SLIT2: variants seen among roughly 807,000 people sequenced by gnomAD.
SLIT2 encodes the protein slit guidance ligand 2.
A neutral mutation model predicts 185.7 loss-of-function variants in SLIT2; 41 were observed. The observed-to-expected ratio is 0.22, with a 90% CI of 0.17 to 0.29. The LOEUF (loss-of-function observed/expected upper bound fraction) is 0.29, where lower values mean the gene tolerates loss of function less well. Ranked by LOEUF, SLIT2 falls within the 10% of genes least tolerant of loss-of-function variation. SLIT2 has a pLI of 1.00. For synonymous variants in SLIT2, 693 were observed against 680.2 expected, an observed-to-expected ratio of 1.02 and a Z score of -0.29; for missense variants, 1,571 against 1,909.0, an observed-to-expected ratio of 0.82 and a Z score of 3.30.
At chr4:20,592,300 G>A (rs1279553673) in intron 30 of SLIT2, among the ~76,000 whole-genome samples, 1 of 152,086 alleles carries the variant, frequency 6.6e-6, no homozygotes, top group Non-Finnish European at 1.5e-5. Flanking sequence ...ACTATGATAT[G>A]CCATAAGCAG....
At chr4:20,568,536 C>G (rs1362304561) in intron 28 of SLIT2, among the ~76,000 whole-genome samples, 2 of 151,882 alleles carry the variant, frequency 1.3e-5, no homozygotes, top group African/African-American at 4.8e-5. Flanking sequence ...GAGCACAACT[C>G]AAGATTAAGA....
At chr4:20,542,190 C>G (rs886401267) in intron 20 of SLIT2, among the ~76,000 whole-genome samples, 13 of 152,112 alleles carry the variant, frequency 8.5e-5, no homozygotes, top group African/African-American at 3.1e-4. Flanking sequence ...CTGTAATTCA[C>G]TTTGCATTTA....
At chr4:20,497,065 ATT>A (rs36102199) in intron 9 of SLIT2, among the ~76,000 whole-genome samples, 54 of 148,688 alleles carry the variant, frequency 3.6e-4, no homozygotes, top group Admixed American at 1.0e-3. Flanking sequence ...TATTTCTGAG[ATT>A]TTTTTTTTTT....
Position 20,253,811 on chromosome 4 carries a change from G to A in SLIT2, c.-5G>A, listed in dbSNP as rs371065653. The A allele has an allele frequency of 2.2e-5, 35 of 1,597,994 alleles. No individual in the cohort carries two copies. The African/African-American group carries it at 4.3e-4, about 20-fold the overall frequency. On this transcript the variant is annotated 5_prime_UTR_variant, in exon 1 of 37. Coordinates refer to ENST00000504154, the MANE Select transcript of SLIT2 (RefSeq NM_004787.4). ...TGCCGGCGAGGAAGGAGGCGGCGGG[G>A]AAAGATGCGCGGCGTTGGCTGGCAG...
intron 4 of SLIT2, among the ~76,000 whole-genome samples, chr4:20,358,142 G>A (rs567570994): frequency 6.6e-6 from 1 of 152,140 alleles, no homozygotes; most frequent in East Asian, 1.9e-4. Context: ...ATCCCTTCAT[G>A]TTCTCTTTCC....
At chr4:20,564,326 A>G (rs1243280771) in intron 26 of SLIT2, among the ~76,000 whole-genome samples, 1 of 151,224 alleles carries the variant, frequency 6.6e-6, no homozygotes, top group African/African-American at 2.5e-5. Flanking sequence ...TTATTTCAAG[A>G]GATTAGACTA....
At chr4:20,447,912 A>G (rs1199602569) in intron 4 of SLIT2, among the ~76,000 whole-genome samples, 1 of 152,210 alleles carries the variant, frequency 6.6e-6, no homozygotes, top group African/African-American at 2.4e-5. Context: ...AAAAAAGGAA[A>G]TGAAAAGTAG....
At chr4:20,260,818 T>A (rs1358344641) in intron 3 of SLIT2, among the ~76,000 whole-genome samples, 1 of 151,856 alleles carries the variant, frequency 6.6e-6, no homozygotes, top group Non-Finnish European at 1.5e-5. Flanking sequence ...TACAACATTT[T>A]CAGATAAACT....
intron 5 of SLIT2, among the ~76,000 whole-genome samples, chr4:20,472,389 G>GAGATATAGATATCTATATATCT (rs1715354671): frequency 3.2e-4 from 3 of 9,330 alleles, no homozygotes; most frequent in Admixed American, 3.9e-3. Context: ...TATATATGTA[G>GAGATATAGATATCTATATATCT]ATATATAGAT....
At chr4:20,604,589 C>T (rs555629830) in intron 33 of SLIT2, among the ~76,000 whole-genome samples, 10 of 152,208 alleles carry the variant, frequency 6.6e-5, no homozygotes, top group Non-Finnish European at 1.3e-4. Context: ...CCTTGTGATC[C>T]GTCCACTTCA....
chr4:20,516,345 A>G (rs927785713), intron 11 of SLIT2, among the ~76,000 whole-genome samples: 2 of 149,656 alleles, frequency 1.3e-5, no homozygotes, highest in Non-Finnish European at 2.9e-5. Context: ...TTGTACACAT[A>G]TAATAGTACG....
At chr4:20,372,264 T>C (rs2109320251) in intron 4 of SLIT2, among the ~76,000 whole-genome samples, 1 of 152,184 alleles carries the variant, frequency 6.6e-6, no homozygotes, top group East Asian at 1.9e-4. Flanking sequence ...TTACCTGACA[T>C]TAAGTGGTGC....
Position 20,411,990 on chromosome 4 carries a change from A to G in SLIT2, c.396-55762A>G, listed in dbSNP as rs149662307. ...GGAACCATCATTAATGTTCTTTCAT[A>G]CAACTGAGAGTTGTGAGAAACCATC... is the stretch of plus-strand genomic sequence containing the variant. On this transcript the variant is annotated intron_variant, in intron 4 of 36. Coordinates refer to ENST00000504154, the MANE Select transcript of SLIT2 (RefSeq NM_004787.4). 4.9e-3 allele frequency among the ~76,000 whole-genome samples: 743 copies of G among 152,268 alleles called. 2 individuals carry two copies. Among genetic ancestry groups the G allele is most frequent in the African/African-American group, 0.017 (700 of 41,558 alleles).
chr4:20,463,547 A>G (rs113079704), intron 4 of SLIT2, among the ~76,000 whole-genome samples: 21,558 of 110,936 alleles, frequency 0.19, 2,050 homozygotes, highest in Middle Eastern at 0.28. Flanking sequence ...GTGTGTGTGT[A>G]TATGTATATC....
intron 8 of SLIT2, 38 bp from the exon 9 acceptor site, chr4:20,491,723 A>C (rs1261738781): frequency 6.3e-7 from 1 of 1,580,264 alleles, no homozygotes; most frequent in East Asian, 2.2e-5. Flanking sequence ...TATGATATTC[A>C]GGAGGAAAAA....
chr4:20,338,193 A>G (rs1446219947), intron 4 of SLIT2, among the ~76,000 whole-genome samples: 4 of 152,186 alleles, frequency 2.6e-5, no homozygotes, highest in African/African-American at 4.8e-5. Context: ...AGGGTTTCTT[A>G]TAAGGATTTC....
intron 4 of SLIT2, among the ~76,000 whole-genome samples, chr4:20,285,868 C>A (rs1223389461): frequency 6.6e-6 from 1 of 152,176 alleles, no homozygotes; most frequent in African/African-American, 2.4e-5. Flanking sequence ...CTAATACAGT[C>A]TTCATTCTAC....
At chr4:20,330,674 G>C (rs919586183) in intron 4 of SLIT2, among the ~76,000 whole-genome samples, 2 of 148,498 alleles carry the variant, frequency 1.3e-5, no homozygotes, top group East Asian at 4.0e-4. Flanking sequence ...TCTCACAGTT[G>C]GTTTTGTGGA....
At chr4:20,618,621 T>C in intron 36 of SLIT2, 147 bp from the exon 37 acceptor site, 1 of 743,236 alleles carries the variant, frequency 1.3e-6, no homozygotes, top group East Asian at 2.5e-5. Context: ...TTTCAAAGAA[T>C]AGGAGGCCGT....
Sources: gnomAD v4.1 joint callset for allele counts (sites outside exome capture counted in the v4.1 genomes callset) on GRCh38, gnomAD v4.1.1 for gene constraint, MANE v1.5 for transcripts, NCBI Gene and HGNC (gene_info 2026-07-23, HGNC 2026-07-21) for gene names.